CAPN2: variants seen among roughly 807,000 people sequenced by gnomAD.
The protein encoded by CAPN2 is calpain-2 catalytic subunit.
Under a neutral mutation model 102.3 loss-of-function variants are expected in CAPN2, and 92 were observed. The ratio of observed to expected loss-of-function variants is 0.90; its 90% CI spans 0.76 to 1.07. CAPN2 has a LOEUF of 1.07. Among genes scored for constraint, CAPN2 ranks in the 50% least tolerant of loss-of-function variants. CAPN2 has a pLI of 0.00. For synonymous variants in CAPN2, 340 were observed against 355.4 expected (o/e 0.96, Z 0.49); for missense variants, 800 against 909.4 (o/e 0.88, Z 1.55).
intron 2 of CAPN2, among the ~76,000 whole-genome samples, chr1:223,721,077 A>C (rs1461834870): frequency 6.6e-6 from 1 of 152,122 alleles, no homozygotes; most frequent in Non-Finnish European, 1.5e-5. Flanking sequence ...ACAAACACCC[A>C]CGCTCCTTCC....
At chr1:223,709,661 C>CAAAAAAAAAAAAAAAAAAAA (rs779362608), upstream of CAPN2, among the ~76,000 whole-genome samples, 135 of 137,744 alleles carry the variant, frequency 9.8e-4, no homozygotes, top group African/African-American at 3.4e-3. Context: ...AACTCCATCT[C>CAAAAAAAAAAAAAAAAAAAA]AAAAAAAAAA....
Position 223,768,295 on chromosome 1 carries a change from GT to G in CAPN2, c.1756-1542del, listed in dbSNP as rs1222709693. On this transcript the variant is annotated intron_variant, in intron 16 of 20. Transcript: ENST00000295006. The stretch of plus-strand genomic sequence containing the variant: ...CTATGTCCTGAATGGTAATGCCTAG[GT>G]TTTCTTCTAGGGTTTTGATGGTTTT... Among the ~76,000 whole-genome samples the G allele has an allele frequency of 2.0e-5, 3 of 151,202 alleles. No homozygotes were observed. In the East Asian group the frequency reaches 5.8e-4, roughly 29 times the overall value.
chr1:223,748,947 C>T, intron 5 of CAPN2, 92 bp from the exon 6 acceptor site: 8 of 1,196,614 alleles, frequency 6.7e-6, no homozygotes, highest in East Asian at 2.5e-5. Flanking sequence ...GTGCGTCCGG[C>T]GGTCCCGCCC....
intron 2 of CAPN2, among the ~76,000 whole-genome samples, chr1:223,741,436 A>ATG (rs67813439): frequency 0.84 from 103,665 of 124,070 alleles, 41,888 homozygotes; most frequent in South Asian, 0.91. Flanking sequence ...TATATATATA[A>ATG]TGTGTATATA....
intron 2 of CAPN2, among the ~76,000 whole-genome samples, chr1:223,728,303 T>C (rs1217947757): frequency 6.6e-6 from 1 of 152,122 alleles, no homozygotes; most frequent in Non-Finnish European, 1.5e-5. Flanking sequence ...CAACCACATG[T>C]CTGGTGCCCG....
chr1:223,734,178 C>A (rs1660396109), intron 2 of CAPN2, among the ~76,000 whole-genome samples: 1 of 152,178 alleles, frequency 6.6e-6, no homozygotes, highest in Non-Finnish European at 1.5e-5. Context: ...GGCTGGAGAC[C>A]CGGTCAGGCC....
chr1:223,752,932 G>A lies in CAPN2; in HGVS notation c.1111G>A (p.Ala371Thr), dbSNP rs775347301. 6.8e-6 allele frequency: 11 copies of A among 1,613,964 alleles called. No homozygotes were observed. Among genetic ancestry groups the A allele is most frequent in the Admixed American group, 3.3e-5 (2 of 59,998 alleles). ...MDGNWRRGST[A>T]GGCRNYPNTF... The stretch of plus-strand genomic sequence containing the variant: ...TGGGAACTGGAGGCGGGGCTCCACC[G>A]CGGGAGGTTGCAGGAACTACCCGAG... The change falls in exon 9 of 21, where the codon GCG (alanine) becomes ACG (threonine). Residue 371 changes from alanine (A) to threonine (T), a missense_variant. By Grantham distance (58) the Ala-to-Thr change is moderately conservative (BLOSUM62 0). Coordinates refer to ENST00000295006, the MANE Select transcript of CAPN2 (RefSeq NM_001748.5).
Position 223,726,943 on chromosome 1 carries a change from A to G in CAPN2, c.307+9112A>G, listed in dbSNP as rs1341745145. Reference sequence around the variant, plus strand: ...CTGGCGGGGTGTGCATTTCCTCTAGAGAAGCCCCTCCCTGCCAGTTTCAGA... The same window carrying G: ...CTGGCGGGGTGTGCATTTCCTCTAGGGAAGCCCCTCCCTGCCAGTTTCAGA... On this transcript the variant is annotated intron_variant, in intron 2 of 20. Transcript: ENST00000295006. This position sits in a 1 kb window ranked among gnomAD's most constrained non-coding sequence, Gnocchi z 4.4. 6.6e-6 allele frequency among the ~76,000 whole-genome samples: 1 copy of G among 152,104 alleles called. No homozygotes were observed. Among genetic ancestry groups the G allele is most frequent in the Non-Finnish European group, 1.5e-5 (1 of 68,022 alleles).
At chr1:223,710,848 C>G (rs902804049), upstream of CAPN2, among the ~76,000 whole-genome samples, 2 of 149,010 alleles carry the variant, frequency 1.3e-5, no homozygotes, top group African/African-American at 5.0e-5. Context: ...TGAGTTGTCC[C>G]GCCTTTCTGA....
At position 223,712,607 on chromosome 1, in the gene CAPN2, T is replaced by C. The variant is rs903647878; in HGVS notation, c.-34T>C. On this transcript the variant is annotated 5_prime_UTR_variant, in exon 1 of 21. Coordinates refer to ENST00000295006, the MANE Select transcript of CAPN2 (RefSeq NM_001748.5). The stretch of plus-strand genomic sequence containing the variant: ...AGCGCAGCGCGGAGTCGCCCCGACC[T>C]TTCTCTGCGCAGTACGGCCGCCGGG... 8 of 1,486,350 alleles carry C rather than the reference T, an allele frequency of 5.4e-6. No individual in the cohort carries two copies. The African/African-American group carries it at 1.2e-4, about 22-fold the overall frequency. The allele number at this position is 1,486,350 out of a possible 1,614,324, so 92.1% of individuals were successfully genotyped here.
intron 2 of CAPN2, among the ~76,000 whole-genome samples, chr1:223,741,012 G>A (rs908524740): frequency 2.6e-5 from 4 of 152,150 alleles, no homozygotes; most frequent in African/African-American, 9.7e-5. Flanking sequence ...TTAAACCTCA[G>A]TTTCCTCAAC....
In CAPN2 at chr1:223,759,990, A is replaced by G. The variant is rs532885146; in HGVS notation, c.1529+509A>G. On this transcript the variant is annotated intron_variant, in intron 12 of 20. Transcript: ENST00000295006. This position sits in a 1 kb window ranked among gnomAD's most constrained non-coding sequence, Gnocchi z 4.6. ...TCCTCATGGGATCCCACGTTTGGGA[A>G]CCCTTTGTGGCTGACATCACCATTT... is the stretch of plus-strand genomic sequence containing the variant. 4.9e-4 allele frequency among the ~76,000 whole-genome samples: 74 copies of G among 152,170 alleles called. No homozygotes were observed. Among genetic ancestry groups the G allele is most frequent in the African/African-American group, 1.8e-3 (73 of 41,512 alleles).
intron 16 of CAPN2, among the ~76,000 whole-genome samples, chr1:223,769,233 C>T (rs187951455): frequency 6.6e-6 from 1 of 152,154 alleles, no homozygotes; most frequent in Admixed American, 6.5e-5. Context: ...GATTCTCCCC[C>T]CTCCAGCCTC....
In CAPN2 at chr1:223,771,883, GAT is replaced by G; in HGVS notation, c.1980_1981del (p.Asp660GlufsTer17). 6.2e-7 allele frequency: 1 copy of G among 1,614,142 alleles called. No homozygotes were observed. The highest frequency in any genetic ancestry group is 1.6e-4 in the Middle Eastern group (1 of 6,062). The part of the protein sequence containing the change: ...FADDQLIIDF[D>X]NFVRCLVRLE... ...AGATGACCAGCTCATCATCGATTTT[GAT>G]AATTTTGTTCGGTGTTTGGTTCGGC... is the stretch of plus-strand genomic sequence containing the variant. On this transcript the variant is annotated frameshift_variant, in exon 19 of 21. Transcript: ENST00000295006. LOFTEE classifies it high-confidence loss of function.
intron 15 of CAPN2, among the ~76,000 whole-genome samples, chr1:223,764,493 G>A (rs550125183): frequency 3.6e-4 from 54 of 151,822 alleles, no homozygotes; most frequent in African/African-American, 2.4e-4. Flanking sequence ...TCACTCTGTC[G>A]CCCAGGCTGG....
intron 7 of CAPN2, among the ~76,000 whole-genome samples, chr1:223,751,674 C>G (rs1368888564): frequency 6.6e-6 from 1 of 152,212 alleles, no homozygotes; most frequent in African/African-American, 2.4e-5. Context: ...CTGCCAGGCC[C>G]ATCTCAATTG....
At position 223,748,632 on chromosome 1, in the gene CAPN2, T is replaced by G. The variant is rs554306806; in HGVS notation, c.730-407T>G. Among the ~76,000 whole-genome samples the G allele has an allele frequency of 2.1e-4, 32 of 152,204 alleles. No homozygotes were observed. The South Asian group carries it at 6.7e-3, about 32-fold the overall frequency. On this transcript the variant is annotated intron_variant, in intron 5 of 20. Coordinates refer to ENST00000295006, the MANE Select transcript of CAPN2 (RefSeq NM_001748.5). ...TGGGCCACTCAAGGCTGTCTGGGTA[T>G]CAGCCCTGCGCCATCGAGGACCCCC...
intron 5 of CAPN2, among the ~76,000 whole-genome samples, chr1:223,748,096 C>T (rs1297721968): frequency 1.3e-5 from 2 of 152,206 alleles, no homozygotes; most frequent in Non-Finnish European, 2.9e-5. Context: ...ATCTGCAGTG[C>T]TGTGCAGCCT....
chr1:223,718,402 G>C (rs184593525), intron 2 of CAPN2, among the ~76,000 whole-genome samples: 1 of 152,336 alleles, frequency 6.6e-6, no homozygotes, highest in Non-Finnish European at 1.5e-5. Context: ...TGGAGTAGCT[G>C]AATTGTCCAA....
Sources: allele counts gnomAD v4.1 joint callset (sites outside exome capture counted in the v4.1 genomes callset), GRCh38; gene constraint gnomAD v4.1.1; non-coding constraint Gnocchi (gnomAD v3.1); transcripts MANE v1.5; gene names NCBI Gene and HGNC (gene_info 2026-07-23, HGNC 2026-07-21).